LOC128092253: variants seen among roughly 807,000 people sequenced by gnomAD.
the LOC128092253 span, among the ~76,000 whole-genome samples, chr6:133,961,629 G>A: frequency 3.0e-4 from 46 of 151,778 alleles, no homozygotes; most frequent in Non-Finnish European, 5.2e-4. Context: ...CACCATGCCC[G>A]ACTAGTTTTT....
At chr6:133,968,149 C>T in the LOC128092253 span, among the ~76,000 whole-genome samples, 1 of 151,828 alleles carries the variant, frequency 6.6e-6, no homozygotes, top group Admixed American at 6.6e-5. Context: ...CCACCACGCC[C>T]AGCTAATTTT....
the LOC128092253 span, among the ~76,000 whole-genome samples, chr6:133,953,895 G>T: frequency 6.6e-6 from 1 of 152,108 alleles, no homozygotes; most frequent in Non-Finnish European, 1.5e-5. Flanking sequence ...CCAAAAAGCG[G>T]CTTCGTCGGT....
the LOC128092253 span, chr6:133,979,935 C>A: frequency 1.7e-6 from 1 of 591,000 alleles, no homozygotes; most frequent in Non-Finnish European, 2.5e-6. Flanking sequence ...ACATGAGCCA[C>A]TGTGCCCGGC....
At chr6:133,966,437 G>T in the LOC128092253 span, among the ~76,000 whole-genome samples, 4 of 152,118 alleles carry the variant, frequency 2.6e-5, no homozygotes, top group African/African-American at 9.7e-5. Context: ...GAGTTCCTTT[G>T]ATTTTTAAAT....
At chr6:133,959,515 T>C in the LOC128092253 span, among the ~76,000 whole-genome samples, 33 of 152,326 alleles carry the variant, frequency 2.2e-4, no homozygotes, top group East Asian at 4.4e-3. Context: ...GGAGTCTCAC[T>C]CTGTCGCCCA....
the LOC128092253 span, among the ~76,000 whole-genome samples, chr6:133,978,539 A>AT: frequency 6.6e-6 from 1 of 152,180 alleles, no homozygotes; most frequent in African/African-American, 2.4e-5. Context: ...ATCAGTTCCT[A>AT]TTGTCACCCC....
chr6:133,958,351 G>C, the LOC128092253 span, among the ~76,000 whole-genome samples: 1 of 152,218 alleles, frequency 6.6e-6, no homozygotes, highest in Non-Finnish European at 1.5e-5. Context: ...GTAAAGCCAT[G>C]TGTTGTGAGC....
At chr6:133,974,627 G>A in the LOC128092253 span, among the ~76,000 whole-genome samples, 118 of 152,304 alleles carry the variant, frequency 7.7e-4, no homozygotes, top group African/African-American at 2.6e-3. Context: ...GTGCCCAGAC[G>A]AGTTCAGTTA....
chr6:133,970,664 C>T, the LOC128092253 span, among the ~76,000 whole-genome samples: 2 of 151,394 alleles, frequency 1.3e-5, no homozygotes, highest in East Asian at 3.9e-4. Flanking sequence ...GCTGGAATGC[C>T]GTGGTGCCAT....
chr6:133,965,258 T>C, the LOC128092253 span, among the ~76,000 whole-genome samples: 1 of 152,290 alleles, frequency 6.6e-6, no homozygotes, highest in South Asian at 2.1e-4. Context: ...GAGATGAAAC[T>C]TTTTAGCTTT....
At chr6:133,958,361 C>T in the LOC128092253 span, among the ~76,000 whole-genome samples, 1 of 152,164 alleles carries the variant, frequency 6.6e-6, no homozygotes, top group African/African-American at 2.4e-5. Flanking sequence ...GTGTTGTGAG[C>T]TTTCTGTGCC....
the LOC128092253 span, among the ~76,000 whole-genome samples, chr6:133,960,023 C>T: frequency 1.3e-5 from 2 of 152,252 alleles, no homozygotes; most frequent in South Asian, 2.1e-4. Flanking sequence ...TCTGGTGAGC[C>T]GCAAGCGTTT....
chr6:133,971,146 CTT>C, the LOC128092253 span, among the ~76,000 whole-genome samples: 5 of 145,560 alleles, frequency 3.4e-5, no homozygotes, highest in South Asian at 6.6e-4. Context: ...GATGATAACA[CTT>C]TTTTTTTTTT....
chr6:133,977,415 TCTTTACCC>T, the LOC128092253 span, among the ~76,000 whole-genome samples: 2 of 152,192 alleles, frequency 1.3e-5, no homozygotes, highest in Non-Finnish European at 2.9e-5. Context: ...ACACAGATTT[TCTTTACCC>T]CTTTTTTTCT....
chr6:133,959,443 C>T, the LOC128092253 span, among the ~76,000 whole-genome samples: 1 of 152,134 alleles, frequency 6.6e-6, no homozygotes, highest in Non-Finnish European at 1.5e-5. Context: ...CTGTCTAACA[C>T]ATTGTTAATT....
At chr6:133,955,830 A>G in the LOC128092253 span, among the ~76,000 whole-genome samples, 3 of 152,230 alleles carry the variant, frequency 2.0e-5, no homozygotes, top group African/African-American at 7.2e-5. Flanking sequence ...CTGAAATTAT[A>G]TTCTGCCAAA....
the LOC128092253 span, among the ~76,000 whole-genome samples, chr6:133,978,328 A>T: frequency 6.6e-6 from 1 of 152,240 alleles, no homozygotes; most frequent in Admixed American, 6.5e-5. Context: ...CATACATTAT[A>T]TAATTTTCAC....
the LOC128092253 span, among the ~76,000 whole-genome samples, chr6:133,954,344 T>G: frequency 1.3e-5 from 2 of 152,196 alleles, no homozygotes. Flanking sequence ...GTGTAAGCAA[T>G]GTGGATTCTC....
the LOC128092253 span, among the ~76,000 whole-genome samples, chr6:133,973,480 G>T: frequency 5.3e-5 from 8 of 152,264 alleles, no homozygotes; most frequent in Admixed American, 3.3e-4. Flanking sequence ...TTATGACAGG[G>T]TTTATTGTGG....
Sources: gnomAD v4.1 joint callset for allele counts (sites outside exome capture counted in the v4.1 genomes callset) on GRCh38, gnomAD v4.1.1 for gene constraint, MANE v1.5 for transcripts.